TMCO1: variants seen among roughly 807,000 people sequenced by gnomAD.
TMCO1 encodes calcium load-activated calcium channel.
TMCO1 carries 29 observed loss-of-function variants against 29.3 expected under a neutral mutation model. The observed-to-expected ratio is 0.99, with a 90% CI of 0.74 to 1.35. TMCO1 has a LOEUF of 1.35. Ranked by LOEUF, TMCO1 falls within the 40% of genes most tolerant of loss-of-function variation. The pLI, the probability that TMCO1 is intolerant of heterozygous loss-of-function variation, is 0.00. For synonymous variants in TMCO1, 80 were observed against 77.1 expected, an observed-to-expected ratio of 1.04 and a Z score of -0.20; for missense variants, 173 against 225.5, an observed-to-expected ratio of 0.77 and a Z score of 1.49.
At chr1:165,738,944 C>T (rs1651484999) in intron 6 of TMCO1, among the ~76,000 whole-genome samples, 1 of 151,968 alleles carries the variant, frequency 6.6e-6, no homozygotes, top group Admixed American at 6.6e-5. Flanking sequence ...GACTTTTTTT[C>T]TCATGCGTGT....
intron 3 of TMCO1, among the ~76,000 whole-genome samples, chr1:165,754,606 T>A (rs1181300584): frequency 6.6e-6 from 1 of 152,236 alleles, no homozygotes; most frequent in African/African-American, 2.4e-5. Context: ...ACATAATGAT[T>A]GTACTTAGAT....
At chr1:165,768,331 T>C in intron 1 of TMCO1, 62 bp from the exon 2 acceptor site, 1 of 1,552,982 alleles carries the variant, frequency 6.4e-7, no homozygotes, top group South Asian at 1.1e-5. Context: ...ACAAACAAAG[T>C]GGTTACTGTT....
intron 6 of TMCO1, among the ~76,000 whole-genome samples, chr1:165,735,514 T>A (rs1310003934): frequency 2.8e-5 from 4 of 145,388 alleles, no homozygotes; most frequent in Non-Finnish European, 6.1e-5. Context: ...CTGCTTAATT[T>A]TTTTTTTTTT....
chr1:165,733,898 A>G (rs1484028504), intron 6 of TMCO1, among the ~76,000 whole-genome samples: 1 of 152,228 alleles, frequency 6.6e-6, no homozygotes, highest in South Asian at 2.1e-4. Flanking sequence ...CCTCTTTACC[A>G]TGATTAAGAA....
intron 5 of TMCO1, among the ~76,000 whole-genome samples, chr1:165,744,162 G>A (rs1166735619): frequency 1.3e-5 from 2 of 152,042 alleles, no homozygotes; most frequent in Admixed American, 6.6e-5. Flanking sequence ...ACAGAAATTG[G>A]TGTCTAGCAC....
rs779602323 is a variant in TMCO1, at chr1:165,727,812, C to T, written c.*211G>A. ...TACCTGAACTTAACTAATCAATCCA[C>T]TTATTTGATAAAAATCATCTAGGAC... On this transcript the variant is annotated 3_prime_UTR_variant, in exon 7 of 7. Coordinates refer to ENST00000367881, the MANE Select transcript of TMCO1 (RefSeq NM_019026.6). The T allele has an allele frequency of 8.0e-6, 4 of 503,070 alleles. No homozygotes were observed. Among genetic ancestry groups the T allele is most frequent in the South Asian group, 6.2e-5 (4 of 64,748 alleles). The allele number at this position is 503,070 out of a possible 1,614,324, so 31.2% of individuals were successfully genotyped here. A position where few individuals can be genotyped will look rare whatever the true frequency, so the allele number is the denominator to read the frequency against.
chr1:165,728,254 T>C (rs995512691), intron 6 of TMCO1, 133 bp from the exon 7 acceptor site: 3 of 635,918 alleles, frequency 4.7e-6, no homozygotes, highest in East Asian at 7.7e-5. Flanking sequence ...AATAGGATGA[T>C]TATCACTTTT....
intron 6 of TMCO1, among the ~76,000 whole-genome samples, chr1:165,742,072 C>A (rs1571216952): frequency 6.6e-6 from 1 of 152,272 alleles, no homozygotes; most frequent in East Asian, 1.9e-4. Flanking sequence ...AAATCTTCTG[C>A]CACAGACAGT....
At chr1:165,735,758 A>G (rs1651349798) in intron 6 of TMCO1, among the ~76,000 whole-genome samples, 1 of 151,912 alleles carries the variant, frequency 6.6e-6, no homozygotes, top group South Asian at 2.1e-4. Context: ...CAAGTGATCT[A>G]CCCGCCCTGG....
At chr1:165,729,948 T>C (rs960501955) in intron 6 of TMCO1, among the ~76,000 whole-genome samples, 2 of 151,916 alleles carry the variant, frequency 1.3e-5, no homozygotes, top group Non-Finnish European at 2.9e-5. Flanking sequence ...TGTGAGAATA[T>C]CCATAACCAG....
chr1:165,736,729 A>C (rs1015971086), intron 6 of TMCO1, among the ~76,000 whole-genome samples: 1 of 140,838 alleles, frequency 7.1e-6, no homozygotes, highest in African/African-American at 2.6e-5. Flanking sequence ...TCAAAAAAAA[A>C]AAAAACAAAA....
intron 6 of TMCO1, among the ~76,000 whole-genome samples, chr1:165,737,139 T>C (rs1651420873): frequency 6.6e-6 from 1 of 152,144 alleles, no homozygotes; most frequent in African/African-American, 2.4e-5. Flanking sequence ...TAAATAATTA[T>C]GGACATAAAA....
chr1:165,767,904 G>A (rs1652635472), intron 2 of TMCO1, among the ~76,000 whole-genome samples: 1 of 152,102 alleles, frequency 6.6e-6, no homozygotes, highest in Non-Finnish European at 1.5e-5. Flanking sequence ...AAACCCCTAA[G>A]TTCAGTCCTG....
intron 2 of TMCO1, among the ~76,000 whole-genome samples, chr1:165,767,652 T>C (rs111563429): frequency 3.9e-5 from 6 of 152,208 alleles, no homozygotes; most frequent in African/African-American, 1.4e-4. Context: ...TCATGAAGGC[T>C]ACCATGGTTC....
chr1:165,731,289 A>G (rs1220450704), intron 6 of TMCO1, among the ~76,000 whole-genome samples: 1 of 152,224 alleles, frequency 6.6e-6, no homozygotes, highest in Non-Finnish European at 1.5e-5. Flanking sequence ...TGATGTCACT[A>G]GTTTGCAATT....
intron 5 of TMCO1, among the ~76,000 whole-genome samples, chr1:165,745,194 T>C (rs1444927888): frequency 6.6e-6 from 1 of 150,896 alleles, no homozygotes; most frequent in East Asian, 2.0e-4. Context: ...CTAATTTTTT[T>C]TTTTTTTTTG....
chr1:165,761,171 TTGTG>T (rs375747060), intron 2 of TMCO1, among the ~76,000 whole-genome samples: 2 of 150,336 alleles, frequency 1.3e-5, no homozygotes, highest in African/African-American at 4.9e-5. Flanking sequence ...TTTTGTGTAT[TTGTG>T]TGTGTGTGTG....
chr1:165,739,204 C>T (rs1651496751), intron 6 of TMCO1, among the ~76,000 whole-genome samples: 1 of 152,130 alleles, frequency 6.6e-6, no homozygotes, highest in Admixed American at 6.6e-5. Context: ...AACTTAATAG[C>T]ATATACCGTA....
chr1:165,766,961 A>G (rs925113352), intron 2 of TMCO1, among the ~76,000 whole-genome samples: 2 of 152,156 alleles, frequency 1.3e-5, no homozygotes, highest in African/African-American at 2.4e-5. Context: ...AAAGATAACG[A>G]GTTTGGCCCA....
Sources: allele counts gnomAD v4.1 joint callset (sites outside exome capture counted in the v4.1 genomes callset), GRCh38; gene constraint gnomAD v4.1.1; transcripts MANE v1.5; gene names NCBI Gene and HGNC (gene_info 2026-07-23, HGNC 2026-07-21).